The following RIMS3 variants were observed in gnomAD, a reference collection of about 807,000 sequenced individuals.
The protein encoded by RIMS3 is regulating synaptic membrane exocytosis protein 3.
A neutral mutation model predicts 29.2 loss-of-function variants in RIMS3; 15 were observed. The observed-to-expected ratio is 0.51, with a 90% CI of 0.34 to 0.79. The LOEUF (loss-of-function observed/expected upper bound fraction) is 0.79, where lower values mean the gene tolerates loss of function less well. Among genes scored for constraint, RIMS3 ranks in the 30% least tolerant of loss-of-function variants. RIMS3 has a pLI of 0.01. For synonymous variants in RIMS3, 161 were observed against 170.1 expected (o/e 0.95, Z 0.41); for missense variants, 342 against 421.4 (o/e 0.81, Z 1.65).
the RIMS3 span, among the ~76,000 whole-genome samples, chr1:40,682,741 C>CTTTTTTTTTTTTT: frequency 0.12 from 9,349 of 76,738 alleles, 2,455 homozygotes; most frequent in East Asian, 0.18. Flanking sequence ...CTTTGCAGAT[C>CTTTTTTTTTTTTT]TTTTTTTTTT....
At chr1:40,671,911 T>TA in the RIMS3 span, among the ~76,000 whole-genome samples, 1 of 151,930 alleles carries the variant, frequency 6.6e-6, no homozygotes, top group Non-Finnish European at 1.5e-5. Flanking sequence ...TACAGGCATG[T>TA]ACCACCATGC....
At chr1:40,680,872 A>G in the RIMS3 span, among the ~76,000 whole-genome samples, 1 of 152,222 alleles carries the variant, frequency 6.6e-6, no homozygotes, top group Admixed American at 6.5e-5. Context: ...CCATGCCATT[A>G]TCAATTGCTG....
upstream of RIMS3, among the ~76,000 whole-genome samples, chr1:40,666,974 G>A (rs1195113397): frequency 2.0e-5 from 3 of 152,124 alleles, no homozygotes; most frequent in African/African-American, 2.4e-5. Flanking sequence ...GCAGTGAGCC[G>A]AGGTCGCACC....
intron 2 of RIMS3, among the ~76,000 whole-genome samples, chr1:40,646,002 G>T (rs1400200030): frequency 6.6e-6 from 1 of 152,206 alleles, no homozygotes; most frequent in Non-Finnish European, 1.5e-5. Flanking sequence ...GACCTTGTGG[G>T]TCAGAAGTCC....
chr1:40,657,299 A>G (rs1165181212), intron 1 of RIMS3, among the ~76,000 whole-genome samples: 1 of 152,102 alleles, frequency 6.6e-6, no homozygotes, highest in Non-Finnish European at 1.5e-5. Flanking sequence ...GGCAGTGGGG[A>G]AAGAGGCAGG....
chr1:40,626,775 C>T (rs1249291841), intron 7 of RIMS3, 46 bp from the exon 8 acceptor site: 16 of 1,570,466 alleles, frequency 1.0e-5, no homozygotes, highest in Non-Finnish European at 1.3e-5. Flanking sequence ...TCCCTGACTC[C>T]AGGACTGTGC....
the RIMS3 span, among the ~76,000 whole-genome samples, chr1:40,680,900 T>C: frequency 6.6e-6 from 1 of 152,214 alleles, no homozygotes; most frequent in African/African-American, 2.4e-5. Context: ...TAACTCTTGA[T>C]TGTAAGCATC....
chr1:40,653,403 G>A (rs1642221327), intron 1 of RIMS3, among the ~76,000 whole-genome samples: 1 of 152,180 alleles, frequency 6.6e-6, no homozygotes, highest in South Asian at 2.1e-4. Context: ...CAAGCTGGAA[G>A]GCCTACAACA....
chr1:40,633,252 T>C, intron 4 of RIMS3, 71 bp from the exon 5 acceptor site: 1 of 1,252,958 alleles, frequency 8.0e-7, no homozygotes, highest in Non-Finnish European at 1.2e-6. Flanking sequence ...GCTGGCAGGC[T>C]GCCATGCTCT....
At chr1:40,651,548 T>C (rs745865265) in intron 1 of RIMS3, among the ~76,000 whole-genome samples, 1 of 152,206 alleles carries the variant, frequency 6.6e-6, no homozygotes, top group Non-Finnish European at 1.5e-5. Context: ...CCCTAGGCAA[T>C]GAACACACTG....
chr1:40,636,838 T>C lies in RIMS3; in HGVS notation c.218-781A>G, dbSNP rs11801515. Among the ~76,000 whole-genome samples the C allele has an allele frequency of 0.012, 1,860 of 152,278 alleles. 31 individuals are homozygous for C. Among genetic ancestry groups the C allele is most frequent in the African/African-American group, 0.043 (1,779 of 41,544 alleles). ...CTCCCCCTCAGCCTTGCAGGGAACA[T>C]GGGACACTTTCCCTCTCCCAGCAGC... is the stretch of plus-strand genomic sequence containing the variant. On this transcript the variant is annotated intron_variant, in intron 3 of 7. Coordinates refer to ENST00000372684, the MANE Select transcript of RIMS3 (RefSeq NM_014747.3). The surrounding 1 kb of genome is among the most constrained non-coding windows in gnomAD (Gnocchi z 4.2).
rs1281636197 is a variant in RIMS3 at position 40,640,960 on chromosome 1, C to A, written c.217+749G>T. Among the ~76,000 whole-genome samples the A allele has an allele frequency of 3.3e-5, 5 of 152,280 alleles. No individual in the cohort carries two copies. In the East Asian group the frequency reaches 5.8e-4, roughly 18 times the overall value. ...GCGCAGTGTGAATTACTCTATTATG[C>A]TTCCCTGGAAATACGGGCAGCTTAC... On this transcript the variant is annotated intron_variant, in intron 3 of 7. Coordinates refer to ENST00000372684, the MANE Select transcript of RIMS3 (RefSeq NM_014747.3).
chr1:40,626,109 A>T lies in RIMS3; in HGVS notation c.*408T>A, dbSNP rs1646451835. ...CCAGGAGCAGGCACAGGTGAAGAAC[A>T]CACAGGCTCTGCCCCAGGCCAGGAC... On this transcript the variant is annotated 3_prime_UTR_variant, in exon 8 of 8. Transcript: ENST00000372684. The T allele has an allele frequency of 3.8e-6, 1 of 264,204 alleles. No homozygotes were observed. The highest frequency in any genetic ancestry group is 7.4e-6 in the Non-Finnish European group (1 of 134,764). The allele number at this position is 264,204 out of a possible 1,614,324, so 16.4% of individuals were successfully genotyped here.
At chr1:40,640,845 T>C (rs541214706) in intron 3 of RIMS3, among the ~76,000 whole-genome samples, 6 of 152,332 alleles carry the variant, frequency 3.9e-5, no homozygotes, top group African/African-American at 1.4e-4. Context: ...CCTGCACACA[T>C]GTGACATGTT....
intron 1 of RIMS3, among the ~76,000 whole-genome samples, chr1:40,665,123 G>A (rs1442578132): frequency 1.3e-5 from 2 of 152,088 alleles, no homozygotes; most frequent in Non-Finnish European, 2.9e-5. Flanking sequence ...CAGGGCCCCA[G>A]GAGCTCTGAG....
chr1:40,644,581 C>T (rs979819061), intron 2 of RIMS3, among the ~76,000 whole-genome samples: 5 of 152,162 alleles, frequency 3.3e-5, no homozygotes, highest in African/African-American at 1.2e-4. Context: ...GGACAGAGGG[C>T]CCTGAGAACC....
chr1:40,644,067 GCTC>G (rs968592732), intron 2 of RIMS3, among the ~76,000 whole-genome samples: 1 of 148,660 alleles, frequency 6.7e-6, no homozygotes, highest in Admixed American at 6.7e-5. Flanking sequence ...AAGGTGGGGG[GCTC>G]TCTCTCTTTC....
At chr1:40,655,772 AG>A (rs1474005264) in intron 1 of RIMS3, among the ~76,000 whole-genome samples, 8 of 152,234 alleles carry the variant, frequency 5.3e-5, no homozygotes, top group Non-Finnish European at 1.0e-4. Flanking sequence ...TGGGAGTCTC[AG>A]GCAGGCAGAT....
chr1:40,659,421 G>C (rs998430528), intron 1 of RIMS3, among the ~76,000 whole-genome samples: 2 of 152,176 alleles, frequency 1.3e-5, no homozygotes, highest in Non-Finnish European at 2.9e-5. Context: ...CTGTGTTTTA[G>C]AAAGATTGTT....
Sources: gnomAD v4.1 joint callset for allele counts (sites outside exome capture counted in the v4.1 genomes callset) on GRCh38, gnomAD v4.1.1 for gene constraint, Gnocchi (gnomAD v3.1) non-coding constraint, MANE v1.5 for transcripts, NCBI Gene and HGNC (gene_info 2026-07-23, HGNC 2026-07-21) for gene names.